The following RHD variants were observed in gnomAD, a reference collection of about 807,000 sequenced individuals.
RHD encodes the protein Rh blood group D antigen, also known as blood group Rh(D) polypeptide.
In RHD, 16 loss-of-function variants were observed where a neutral mutation model predicts 45.5. That is an observed-to-expected ratio of 0.35 (90% CI 0.24 to 0.53). RHD has a LOEUF of 0.53. Among genes scored for constraint, RHD ranks in the 20% least tolerant of loss-of-function variants. The pLI is 0.92. For missense variants in RHD, 306 were observed against 532.0 expected, an observed-to-expected ratio of 0.58 and a Z score of 4.18; for synonymous variants, 131 against 217.5, an observed-to-expected ratio of 0.60 and a Z score of 3.50.
chr1:25,312,007 T>C (rs917852816), intron 7 of RHD, among the ~76,000 whole-genome samples: 1 of 119,424 alleles, frequency 8.4e-6, no homozygotes, highest in Admixed American at 8.1e-5. Context: ...GCTATCATAG[T>C]GCAATGCCAG....
At chr1:25,295,634 A>T (rs1189161866) in intron 3 of RHD, among the ~76,000 whole-genome samples, 4 of 105,712 alleles carry the variant, frequency 3.8e-5, no homozygotes, top group African/African-American at 9.5e-5. Flanking sequence ...GCGGTCAAGG[A>T]GCCGAGAGGG....
chr1:25,273,943 C>T (rs1640715376), intron 1 of RHD, among the ~76,000 whole-genome samples: 1 of 130,802 alleles, frequency 7.6e-6, no homozygotes, highest in South Asian at 2.3e-4. Context: ...ATTTAAGGTG[C>T]TGGCCCAGAG....
chr1:25,313,328 C>A lies in RHD; in HGVS notation c.1074-3672C>A, dbSNP rs374340635. Among the ~76,000 whole-genome samples, 48 of 132,534 alleles carry A rather than the reference C, an allele frequency of 3.6e-4. 5 individuals are homozygous for A. The highest frequency in any genetic ancestry group is 1.0e-3 in the Admixed American group (14 of 13,618). The allele number at this position is 132,534 out of a possible 152,430, so 86.9% of individuals were successfully genotyped here. ...CCTCCAGAACCATGAGCTATATATA[C>A]TTATTTTACAAATTACCCATTCTGT... On this transcript the variant is annotated intron_variant, in intron 7 of 9. Coordinates refer to ENST00000328664, the MANE Select transcript of RHD (RefSeq NM_016124.6).
chr1:25,322,697 A>G (rs989987868), intron 9 of RHD, among the ~76,000 whole-genome samples: 4 of 120,482 alleles, frequency 3.3e-5, no homozygotes, highest in Admixed American at 3.3e-4. Flanking sequence ...ACAATTGTAC[A>G]TATTTAAAGT....
intron 7 of RHD, among the ~76,000 whole-genome samples, chr1:25,314,811 T>C (rs1338005491): frequency 1.5e-5 from 2 of 132,368 alleles, no homozygotes; most frequent in East Asian, 3.9e-4. Context: ...GCCCACCTTT[T>C]ACTTTCTTAA....
rs1476643253 is a variant in RHD at position 25,313,694 on chromosome 1, G to A, written c.1074-3306G>A. 3.8e-5 allele frequency among the ~76,000 whole-genome samples: 5 copies of A among 132,316 alleles called. 2 individuals are homozygous for A. The highest frequency in any genetic ancestry group is 1.0e-4 in the African/African-American group (4 of 38,798). The allele number at this position is 132,316 out of a possible 152,430, so 86.8% of individuals were successfully genotyped here. A position where few individuals can be genotyped will look rare whatever the true frequency, so the allele number is the denominator to read the frequency against. On this transcript the variant is annotated intron_variant, in intron 7 of 9. Coordinates refer to ENST00000328664, the MANE Select transcript of RHD (RefSeq NM_016124.6). ...GCAGCAGAAAGAGAGGGGGAACTGG[G>A]ACTATGCCTTTATGAAAAAGAGTGG...
chr1:25,301,086 C>A lies in RHD; in HGVS notation c.627C>A (p.Ala209=). Residue 209 remains alanine, a synonymous_variant, in exon 4 of 10, where the codon GCC becomes GCA. Coordinates refer to ENST00000328664, the MANE Select transcript of RHD (RefSeq NM_016124.6). ...DQTATIPSLS[A]MLGALFLWMF... ...CAGCAACGATACCCAGTTTGTCTGCCATGCTGGGTAAGGACAAGGTGGGGT... is the reference window on the plus strand; with the variant it reads ...CAGCAACGATACCCAGTTTGTCTGCAATGCTGGGTAAGGACAAGGTGGGGT... The A allele has an allele frequency of 2.9e-6, 4 of 1,376,170 alleles. 1 individual carries two copies. The South Asian group carries it at 3.5e-5, about 12-fold the overall frequency. 85.2% of individuals were successfully genotyped at this position (1,376,170 alleles called of 1,614,324 possible). A position where few individuals can be genotyped will look rare whatever the true frequency, so the allele number is the denominator to read the frequency against.
rs1292458090 is a variant in RHD, at chr1:25,329,147, T to C, written c.*223T>C. ...AGAATACAACAATAAAATACAGCCATGTACCACATAACAACATCTTGGTAA... is the reference window on the plus strand; with the variant it reads ...AGAATACAACAATAAAATACAGCCACGTACCACATAACAACATCTTGGTAA... On this transcript the variant is annotated 3_prime_UTR_variant, in exon 10 of 10. Transcript: ENST00000328664. The C allele has an allele frequency of 9.3e-7, 1 of 1,081,022 alleles. No homozygotes were observed. The highest frequency in any genetic ancestry group is 2.5e-5 in the East Asian group (1 of 40,272). The allele number at this position is 1,081,022 out of a possible 1,614,324, so 67.0% of individuals were successfully genotyped here. A position where few individuals can be genotyped will look rare whatever the true frequency, so the allele number is the denominator to read the frequency against.
rs1249758031 is a variant in RHD at position 25,321,526 on chromosome 1, T to C, written c.1154-363T>C. Among the ~76,000 whole-genome samples the C allele has an allele frequency of 3.5e-5, 4 of 113,640 alleles. 1 individual carries two copies. Among genetic ancestry groups the C allele is most frequent in the Non-Finnish European group, 8.2e-5 (4 of 48,954 alleles). 74.6% of individuals were successfully genotyped at this position (113,640 alleles called of 152,430 possible). The stretch of plus-strand genomic sequence containing the variant: ...AAAAAAAAAAAAAAAAAAAATTAGC[T>C]GGATGTGGTGGCAGGCGCCTATAAT... On this transcript the variant is annotated intron_variant, in intron 8 of 9. Transcript: ENST00000328664.
chr1:25,295,832 T>G lies in RHD; in HGVS notation c.486+5041T>G, dbSNP rs1265243619. 3.9e-5 allele frequency among the ~76,000 whole-genome samples: 4 copies of G among 101,962 alleles called. 2 individuals are homozygous for G. Among genetic ancestry groups the G allele is most frequent in the Non-Finnish European group, 9.2e-5 (4 of 43,572 alleles). 66.9% of individuals were successfully genotyped at this position (101,962 alleles called of 152,430 possible). ...TGGGGTGGAAAAAAGAACAATGGTC[T>G]GGGAGGGAATATGGGAAATTTTTTT... On this transcript the variant is annotated intron_variant, in intron 3 of 9. Coordinates refer to ENST00000328664, the MANE Select transcript of RHD (RefSeq NM_016124.6).
Position 25,286,307 on chromosome 1 carries a change from A to G in RHD, c.335+1548A>G, listed in dbSNP as rs960631203. 7.4e-5 allele frequency among the ~76,000 whole-genome samples: 10 copies of G among 135,552 alleles called. 1 individual carries two copies. The highest frequency in any genetic ancestry group is 2.3e-4 in the African/African-American group (9 of 39,414). The allele number at this position is 135,552 out of a possible 152,430, so 88.9% of individuals were successfully genotyped here. ...AGTTTAAGACCAGCCTGACTAACAC[A>G]GTGAGATCCTGTCTCTGCAGAAAAT... On this transcript the variant is annotated intron_variant, in intron 2 of 9. Transcript: ENST00000328664.
At chr1:25,307,704 GCGTTTGGA>G in intron 7 of RHD, 1 of 1,308,418 alleles carries the variant, frequency 7.6e-7, no homozygotes, top group Non-Finnish European at 1.1e-6. Context: ...AGGAGCTGAT[GCGTTTGGA>G]CGTGTCTCAG....
chr1:25,286,251 A>T (rs1442368396), intron 2 of RHD, among the ~76,000 whole-genome samples: 1 of 135,262 alleles, frequency 7.4e-6, no homozygotes, highest in Non-Finnish European at 1.8e-5. Flanking sequence ...TACTTTTGGG[A>T]ACCGAGGTGG....
At position 25,311,448 on chromosome 1, in the gene RHD, C is replaced by T. The variant is rs1323361513; in HGVS notation, c.1073+4719C>T. ...GCTGAGGCAGGAGAATGGCATGAAC[C>T]CGGGAGGCAGAGCTTGCAGTGAGCC... is the stretch of plus-strand genomic sequence containing the variant. On this transcript the variant is annotated intron_variant, in intron 7 of 9. Coordinates refer to ENST00000328664, the MANE Select transcript of RHD (RefSeq NM_016124.6). 3.8e-5 allele frequency among the ~76,000 whole-genome samples: 5 copies of T among 130,420 alleles called. 1 individual carries two copies. Among genetic ancestry groups the T allele is most frequent in the Non-Finnish European group, 7.3e-5 (4 of 55,122 alleles). 85.6% of individuals were successfully genotyped at this position (130,420 alleles called of 152,430 possible).
rs559088263 is a variant in RHD, at chr1:25,315,216, CTTA to C, written c.1074-1777_1074-1775del. Reference sequence around the variant, plus strand: ...CCCCTGATTTTTTTCCTAAAAATCACTTATTATTAGATCAATGAATTGAGTAAT... The same window carrying C: ...CCCCTGATTTTTTTCCTAAAAATCACTTATTAGATCAATGAATTGAGTAAT... On this transcript the variant is annotated intron_variant, in intron 7 of 9. Transcript: ENST00000328664. 6.0e-3 allele frequency among the ~76,000 whole-genome samples: 777 copies of C among 130,076 alleles called. 187 individuals carry two copies. Among genetic ancestry groups the C allele is most frequent in the Non-Finnish European group, 5.6e-3 (311 of 55,366 alleles). The allele number at this position is 130,076 out of a possible 152,430, so 85.3% of individuals were successfully genotyped here.
chr1:25,316,641 G>GAC (rs1644457980), intron 7 of RHD, among the ~76,000 whole-genome samples: 1 of 122,310 alleles, frequency 8.2e-6, no homozygotes, highest in African/African-American at 2.7e-5. Context: ...AAAAAAGAGA[G>GAC]AGAGAGAAAA....
In RHD at chr1:25,301,191, C is replaced by A. The variant is rs1192904098; in HGVS notation, c.634+98C>A. The A allele has an allele frequency of 1.7e-5, 19 of 1,103,178 alleles. 5 individuals are homozygous for A. The Admixed American group carries it at 3.3e-4, about 19-fold the overall frequency. The allele number at this position is 1,103,178 out of a possible 1,614,324, so 68.3% of individuals were successfully genotyped here. A position where few individuals can be genotyped will look rare whatever the true frequency, so the allele number is the denominator to read the frequency against. ...AAAATCTCCCTCCTTTACCAAGTTC[C>A]CCTGGGTGTCTGAAGCCCTTCCATC... On this transcript the variant is annotated intron_variant, in intron 4 of 9. Coordinates refer to ENST00000328664, the MANE Select transcript of RHD (RefSeq NM_016124.6).
At chr1:25,306,888 G>T in intron 7 of RHD, 159 bp downstream of exon 7, 1 of 796,376 alleles carries the variant, frequency 1.3e-6, no homozygotes. Flanking sequence ...ATTCTGTCCA[G>T]CCCCTACCTT....
At position 25,279,610 on chromosome 1, in the gene RHD, C is replaced by T. The variant is rs573575180; in HGVS notation, c.149-4963C>T. 5.5e-5 allele frequency among the ~76,000 whole-genome samples: 7 copies of T among 127,188 alleles called. 2 individuals carry two copies. The highest frequency in any genetic ancestry group is 1.3e-4 in the Non-Finnish European group (7 of 54,650). The allele number at this position is 127,188 out of a possible 152,430, so 83.4% of individuals were successfully genotyped here. On this transcript the variant is annotated intron_variant, in intron 1 of 9. Transcript: ENST00000328664. Reference sequence around the variant, plus strand: ...TGGGGATAATAAATCGTACCTCCTACCTGAGGCTGTTGTGGGCTAAGTCTG... The same window carrying T: ...TGGGGATAATAAATCGTACCTCCTATCTGAGGCTGTTGTGGGCTAAGTCTG...
Sources: allele counts gnomAD v4.1 joint callset (sites outside exome capture counted in the v4.1 genomes callset), GRCh38; gene constraint gnomAD v4.1.1; transcripts MANE v1.5; gene names NCBI Gene and HGNC (gene_info 2026-07-23, HGNC 2026-07-21).